MYRIP: variants seen among roughly 807,000 people sequenced by gnomAD.
MYRIP encodes the protein rab effector MyRIP.
A neutral mutation model predicts 98.0 loss-of-function variants in MYRIP; 49 were observed. The ratio of observed to expected loss-of-function variants is 0.50; its 90% confidence interval spans 0.40 to 0.63. The LOEUF (loss-of-function observed/expected upper bound fraction) is 0.63. Among genes scored for constraint, MYRIP ranks in the 30% least tolerant of loss-of-function variants. MYRIP has a pLI of 0.00. For missense variants in MYRIP, 1,004 were observed against 1,058.2 expected, an observed-to-expected ratio of 0.95 and a Z score of 0.71; for synonymous variants, 404 against 409.5, an observed-to-expected ratio of 0.99 and a Z score of 0.16.
chr3:40,130,300 A>G (rs1469375986), intron 3 of MYRIP, among the ~76,000 whole-genome samples: 1 of 152,184 alleles, frequency 6.6e-6, no homozygotes, highest in Non-Finnish European at 1.5e-5. Context: ...GATCATTTAT[A>G]CCTGCAATAT....
chr3:39,935,785 A>G (rs572913886), intron 2 of MYRIP, among the ~76,000 whole-genome samples: 1 of 152,286 alleles, frequency 6.6e-6, no homozygotes, highest in South Asian at 2.1e-4. Context: ...GTGAAGGTCA[A>G]CATTTCTAGC....
intron 4 of MYRIP, among the ~76,000 whole-genome samples, chr3:40,155,176 G>A (rs1328164579): frequency 2.3e-5 from 3 of 131,718 alleles, no homozygotes; most frequent in South Asian, 2.4e-4. Flanking sequence ...AGAGTGTGAT[G>A]TTCCCCTTCC....
chr3:40,259,327 C>T lies in MYRIP; in HGVS notation c.*1161C>T, dbSNP rs1269367440. 2 of 152,136 alleles carry T rather than the reference C, an allele frequency of 1.3e-5. No individual in the cohort carries two copies. Among genetic ancestry groups the T allele is most frequent in the Non-Finnish European group, 2.9e-5 (2 of 68,032 alleles). The allele number at this position is 152,136 out of a possible 1,614,324, so 9.4% of individuals were successfully genotyped here. On this transcript the variant is annotated 3_prime_UTR_variant, in exon 17 of 17. Coordinates refer to ENST00000302541, the MANE Select transcript of MYRIP (RefSeq NM_015460.4). ...ACTCAATTAATTGGGCATTAACAACCTTCTTTTATGTTTGTTCCTGATATA... is the reference window on the plus strand; with the variant it reads ...ACTCAATTAATTGGGCATTAACAACTTTCTTTTATGTTTGTTCCTGATATA...
intron 11 of MYRIP, among the ~76,000 whole-genome samples, chr3:40,212,406 A>G (rs993749428): frequency 6.6e-6 from 1 of 151,540 alleles, no homozygotes; most frequent in Admixed American, 6.6e-5. Context: ...ACAGAAATAT[A>G]GGGTTAAGTA....
At chr3:40,228,366 G>A (rs1952549105) in intron 11 of MYRIP, among the ~76,000 whole-genome samples, 1 of 152,168 alleles carries the variant, frequency 6.6e-6, no homozygotes, top group Non-Finnish European at 1.5e-5. Context: ...CATGTTCCTG[G>A]TGCAAAGATT....
chr3:40,205,696 ATCT>A (rs1951773554), intron 10 of MYRIP, among the ~76,000 whole-genome samples: 1 of 151,946 alleles, frequency 6.6e-6, no homozygotes, highest in Non-Finnish European at 1.5e-5. Context: ...TGAGTTCATA[ATCT>A]TCTCTGTGAT....
chr3:39,998,278 A>G (rs1347436581), intron 2 of MYRIP, among the ~76,000 whole-genome samples: 3 of 152,222 alleles, frequency 2.0e-5, no homozygotes, highest in African/African-American at 7.2e-5. Context: ...TATGTCTAGG[A>G]AACACCATCA....
intron 2 of MYRIP, among the ~76,000 whole-genome samples, chr3:39,983,347 G>A (rs535226055): frequency 2.0e-5 from 3 of 152,264 alleles, no homozygotes; most frequent in South Asian, 2.1e-4. Context: ...TCTTCTTTGC[G>A]TATCAGGTAT....
chr3:40,100,246 T>C, intron 3 of MYRIP: 1 of 985,418 alleles, frequency 1.0e-6, no homozygotes, highest in Non-Finnish European at 1.2e-6. Flanking sequence ...AAACCACCAG[T>C]TACGGTAATT....
intron 1 of MYRIP, among the ~76,000 whole-genome samples, chr3:39,897,514 G>T (rs1943640282): frequency 6.6e-6 from 1 of 152,144 alleles, no homozygotes; most frequent in African/African-American, 2.4e-5. Context: ...GAAATCAAGG[G>T]GTAGGGGCAC....
In MYRIP at chr3:40,244,527, G is replaced by A. The variant is rs752854637; in HGVS notation, c.2182G>A (p.Gly728Ser). 7 of 1,613,866 alleles carry A rather than the reference G, an allele frequency of 4.3e-6. No individual in the cohort carries two copies. In the South Asian group the frequency reaches 4.4e-5, roughly 10 times the overall value. ...AGATGCCGCCCGCTGCATCCACAGT[G>A]GCACTGATGAGACCCATCTGGCGGA... ...LEDAARCIHS[G>S]TDETHLADLE... Residue 728 changes from glycine (G) to serine (S), a missense_variant, in exon 13 of 17, where the codon GGC becomes AGC. Around this residue, in one of 3 missense-constraint regions of MYRIP, gnomAD observed 880 missense variants for 907.7 expected, o/e 0.97. Coordinates refer to ENST00000302541, the MANE Select transcript of MYRIP (RefSeq NM_015460.4).
intron 3 of MYRIP, among the ~76,000 whole-genome samples, chr3:40,056,128 G>A (rs1006695351): frequency 2.0e-5 from 3 of 152,196 alleles, no homozygotes; most frequent in African/African-American, 4.8e-5. Context: ...GTTCTTTGAA[G>A]ATCATCAGCT....
At chr3:39,883,924 G>T (rs929058314) in intron 1 of MYRIP, among the ~76,000 whole-genome samples, 2 of 152,146 alleles carry the variant, frequency 1.3e-5, no homozygotes, top group East Asian at 3.9e-4. Flanking sequence ...CGAAGACAAG[G>T]TACCTGAGAA....
intron 3 of MYRIP, among the ~76,000 whole-genome samples, chr3:40,121,865 T>C (rs1575554766): frequency 6.6e-6 from 1 of 152,364 alleles, no homozygotes; most frequent in East Asian, 1.9e-4. Context: ...TGAGCCATAT[T>C]AGAGACTGAG....
At chr3:39,857,971 G>A (rs1942355069) in intron 1 of MYRIP, among the ~76,000 whole-genome samples, 1 of 152,090 alleles carries the variant, frequency 6.6e-6, no homozygotes, top group South Asian at 2.1e-4. Context: ...AAAAGAGAAA[G>A]AGAGAAACAA....
intron 1 of MYRIP, among the ~76,000 whole-genome samples, chr3:39,813,081 T>C (rs931666866): frequency 6.6e-6 from 1 of 152,176 alleles, no homozygotes; most frequent in Non-Finnish European, 1.5e-5. Flanking sequence ...GAAGCAAGCT[T>C]TGGTCGCCTC....
chr3:40,057,130 C>T (rs1947901482), intron 3 of MYRIP, among the ~76,000 whole-genome samples: 1 of 152,150 alleles, frequency 6.6e-6, no homozygotes, highest in South Asian at 2.1e-4. Flanking sequence ...ACCCCCACCA[C>T]CTTCCACACC....
intron 3 of MYRIP, among the ~76,000 whole-genome samples, chr3:40,102,999 G>C (rs1287489342): frequency 6.6e-6 from 1 of 151,612 alleles, no homozygotes; most frequent in Non-Finnish European, 1.5e-5. Context: ...CCACTAATGT[G>C]TCACAAGCAG....
At chr3:40,024,404 T>C (rs1947075061) in intron 2 of MYRIP, among the ~76,000 whole-genome samples, 1 of 151,748 alleles carries the variant, frequency 6.6e-6, no homozygotes, top group Admixed American at 6.6e-5. Context: ...GATGATTGGG[T>C]GGTGGGAGGT....
Sources: allele counts gnomAD v4.1 joint callset (sites outside exome capture counted in the v4.1 genomes callset), GRCh38; gene constraint gnomAD v4.1.1; regional missense constraint gnomAD v4.1.1; transcripts MANE v1.5; gene names NCBI Gene and HGNC (gene_info 2026-07-23, HGNC 2026-07-21).